RASAL1: variants seen among roughly 807,000 people sequenced by gnomAD.
RASAL1 encodes the protein rasGAP-activating-like protein 1.
In RASAL1, 72 loss-of-function variants were observed where a neutral mutation model predicts 96.6. The ratio of observed to expected loss-of-function variants is 0.75; its 90% CI spans 0.62 to 0.91. The LOEUF (loss-of-function observed/expected upper bound fraction) is 0.91, where lower values mean the gene tolerates loss of function less well. RASAL1 is among the 40% of genes least tolerant of loss of function. The pLI, the probability that RASAL1 is intolerant of heterozygous loss-of-function variation, is 0.00. For synonymous variants in RASAL1, 405 were observed against 430.4 expected, an observed-to-expected ratio of 0.94 and a Z score of 0.73; for missense variants, 1,016 against 1,072.5, an observed-to-expected ratio of 0.95 and a Z score of 0.74.
At position 113,108,151 on chromosome 12, in the gene RASAL1, C is replaced by G; in HGVS notation, c.1446G>C (p.Lys482Asn). ...RFFAPAILTP[K>N]LFDLRDQHAD... Reference sequence around the variant, plus strand: ...CGTGTTGGTCCCGAAGGTCAAACAGCTTTGGGGTAAGGATGGCAGGTGCGA... The same window carrying G: ...CGTGTTGGTCCCGAAGGTCAAACAGGTTTGGGGTAAGGATGGCAGGTGCGA... Residue 482 changes from lysine to asparagine, a missense_variant, in exon 14 of 21, where the codon AAG (lysine) becomes AAC (asparagine). Transcript: ENST00000548055. 6.2e-7 allele frequency: 1 copy of G among 1,613,778 alleles called. No homozygotes were observed. Among genetic ancestry groups the G allele is most frequent in the Non-Finnish European group, 8.5e-7 (1 of 1,179,888 alleles).
intron 12 of RASAL1, among the ~76,000 whole-genome samples, chr12:113,113,162 G>C (rs974680722): frequency 6.6e-6 from 1 of 152,148 alleles, no homozygotes; most frequent in Non-Finnish European, 1.5e-5. Flanking sequence ...TTTACAGATT[G>C]AGGGTCTGTC....
intron 13 of RASAL1, among the ~76,000 whole-genome samples, chr12:113,109,535 C>T (rs1950788260): frequency 6.6e-6 from 1 of 152,188 alleles, no homozygotes; most frequent in Admixed American, 6.5e-5. Context: ...GGGAAGGGTG[C>T]CCCTCCATCC....
chr12:113,127,501 T>C (rs1448200903), intron 4 of RASAL1, among the ~76,000 whole-genome samples: 3 of 151,752 alleles, frequency 2.0e-5, no homozygotes, highest in Admixed American at 2.0e-4. Flanking sequence ...TCTGAAAAAA[T>C]TAGCTGGGTG....
intron 14 of RASAL1, 109 bp from the exon 15 acceptor site, chr12:113,107,350 C>T (rs1950685133): frequency 7.6e-7 from 1 of 1,308,404 alleles, no homozygotes; most frequent in South Asian, 1.5e-5. Context: ...TTGCCGGGCA[C>T]AGTGGCTCAT....
chr12:113,112,495 A>T (rs1424358267), intron 12 of RASAL1, among the ~76,000 whole-genome samples: 1 of 150,938 alleles, frequency 6.6e-6, no homozygotes, highest in Non-Finnish European at 1.5e-5. Context: ...TGCCCAGAAC[A>T]CTCTCCCGTT....
chr12:113,120,776 G>T (rs955686818), intron 5 of RASAL1, among the ~76,000 whole-genome samples: 11 of 152,142 alleles, frequency 7.2e-5, no homozygotes, highest in African/African-American at 2.7e-4. Context: ...TCTTCCATCT[G>T]ATTTTTCTTT....
At chr12:113,106,512 C>T (rs950579761) in intron 15 of RASAL1, among the ~76,000 whole-genome samples, 2 of 152,226 alleles carry the variant, frequency 1.3e-5, no homozygotes, top group Non-Finnish European at 2.9e-5. Context: ...CCAGTTCACT[C>T]TTCTTCACGG....
intron 4 of RASAL1, among the ~76,000 whole-genome samples, chr12:113,123,525 G>A (rs1951371376): frequency 1.5e-5 from 2 of 136,320 alleles, no homozygotes; most frequent in Admixed American, 8.0e-5. Context: ...CTGCTTTCAG[G>A]GAAATCCTTC....
intron 5 of RASAL1, 77 bp from the exon 6 acceptor site, chr12:113,119,520 A>G: frequency 7.5e-7 from 1 of 1,339,520 alleles, no homozygotes; most frequent in Non-Finnish European, 1.0e-6. Context: ...AGAGTAGATC[A>G]TTCCAATGTC....
At chr12:113,133,907 A>G (rs1426588301) in intron 1 of RASAL1, among the ~76,000 whole-genome samples, 1 of 152,244 alleles carries the variant, frequency 6.6e-6, no homozygotes, top group African/African-American at 2.4e-5. Context: ...CTTCTCCAGA[A>G]GAGCAGCAGG....
Position 113,135,084 on chromosome 12 carries a change from C to A in RASAL1, c.65+314G>T, listed in dbSNP as rs1399763749. The stretch of plus-strand genomic sequence containing the variant: ...CCCCCCGCTTTCTCCCCTCCCAGAT[C>A]TGACAGAATATGGCCCTCTAATCCC... On this transcript the variant is annotated intron_variant, in intron 1 of 20. Coordinates refer to ENST00000548055, the MANE Select transcript of RASAL1 (RefSeq NM_001301202.2). The surrounding 1 kb of genome is among the most constrained non-coding windows in gnomAD (Gnocchi z 5.7). 6.6e-6 allele frequency among the ~76,000 whole-genome samples: 1 copy of A among 151,834 alleles called. No homozygotes were observed. Among genetic ancestry groups the A allele is most frequent in the African/African-American group, 2.4e-5 (1 of 41,328 alleles).
At chr12:113,127,955 T>C in intron 3 of RASAL1, 82 bp from the exon 4 acceptor site, 1 of 1,572,556 alleles carries the variant, frequency 6.4e-7, no homozygotes, top group Non-Finnish European at 8.7e-7. Flanking sequence ...GGTGTCAAGG[T>C]CTGGGTGGGA....
intron 15 of RASAL1, among the ~76,000 whole-genome samples, chr12:113,106,866 C>T (rs542944273): frequency 7.9e-4 from 121 of 152,320 alleles, no homozygotes; most frequent in African/African-American, 2.8e-3. Flanking sequence ...CACCATGCCA[C>T]GATCCTGCCC....
chr12:113,121,873 C>T (rs896554452), intron 4 of RASAL1, among the ~76,000 whole-genome samples: 5 of 151,988 alleles, frequency 3.3e-5, no homozygotes, highest in African/African-American at 1.2e-4. Context: ...AGGCGTGCAC[C>T]ACCATGCCTG....
intron 1 of RASAL1, among the ~76,000 whole-genome samples, chr12:113,131,968 C>CT (rs34936583): frequency 0.025 from 2,933 of 118,700 alleles, 61 homozygotes; most frequent in African/African-American, 0.043. Flanking sequence ...TCTTCTTCTT[C>CT]TTTTTTTTTT....
intron 5 of RASAL1, 118 bp downstream of exon 5, chr12:113,121,391 G>T: frequency 6.7e-7 from 1 of 1,484,216 alleles, no homozygotes; most frequent in Non-Finnish European, 9.1e-7. Flanking sequence ...GAACCTGACT[G>T]CCAGCCCAGA....
In RASAL1 at chr12:113,135,351, C is replaced by T. The variant is rs762927083; in HGVS notation, c.65+47G>A. 6.4e-7 allele frequency: 1 copy of T among 1,569,616 alleles called. No homozygotes were observed. Among genetic ancestry groups the T allele is most frequent in the South Asian group, 1.2e-5 (1 of 86,388 alleles). ...CGGAAAGGGCGACGTCGGCCCCACC[C>T]CAGGCCTTGCGCGCCCCTCACCCAG... On this transcript the variant is annotated intron_variant, in intron 1 of 20. Transcript: ENST00000548055. The surrounding 1 kb of genome is among the most constrained non-coding windows in gnomAD (Gnocchi z 5.7).
chr12:113,125,118 T>G (rs1044829843), intron 4 of RASAL1, among the ~76,000 whole-genome samples: 3 of 151,282 alleles, frequency 2.0e-5, no homozygotes, highest in Admixed American at 1.3e-4. Context: ...AAAAAATACA[T>G]ATACATATAT....
At position 113,120,452 on chromosome 12, in the gene RASAL1, C is replaced by T. The variant is rs566262950; in HGVS notation, c.429-1009G>A. ...TGAGGCCAAGGCTGGAAGCAAAAAT[C>T]TGGAGGCGGTGGGAGAGGCTCAGAG... On this transcript the variant is annotated intron_variant, in intron 5 of 20. Coordinates refer to ENST00000548055, the MANE Select transcript of RASAL1 (RefSeq NM_001301202.2). Among the ~76,000 whole-genome samples, 472 of 152,238 alleles carry T rather than the reference C, an allele frequency of 3.1e-3. 5 individuals are homozygous for T. The highest frequency in any genetic ancestry group is 0.011 in the African/African-American group (439 of 41,540).
Sources: allele counts gnomAD v4.1 joint callset (sites outside exome capture counted in the v4.1 genomes callset), GRCh38; gene constraint gnomAD v4.1.1; non-coding constraint Gnocchi (gnomAD v3.1); transcripts MANE v1.5; gene names NCBI Gene and HGNC (gene_info 2026-07-23, HGNC 2026-07-21).